SUGCT: variants seen among roughly 807,000 people sequenced by gnomAD.
SUGCT encodes succinyl-CoA:glutarate-CoA transferase.
SUGCT carries 41 observed loss-of-function variants against 55.0 expected under a neutral mutation model. The observed-to-expected ratio is 0.74, with a 90% CI of 0.58 to 0.97. The LOEUF (loss-of-function observed/expected upper bound fraction) is 0.97, where lower values mean the gene tolerates loss of function less well. Ranked by LOEUF, SUGCT falls within the 50% of genes least tolerant of loss-of-function variation. The pLI is 0.00. For missense variants in SUGCT, 568 were observed against 547.8 expected (o/e 1.04, Z -0.37); for synonymous variants, 187 against 200.4 (o/e 0.93, Z 0.56).
chr7:40,190,073 A>C (rs1477361288), intron 5 of SUGCT, among the ~76,000 whole-genome samples: 1 of 152,136 alleles, frequency 6.6e-6, no homozygotes, highest in Non-Finnish European at 1.5e-5. Flanking sequence ...TCCAGACCTG[A>C]TCTGAGCATC....
At chr7:40,178,701 A>G (rs1475349587) in intron 1 of SUGCT, among the ~76,000 whole-genome samples, 4 of 152,118 alleles carry the variant, frequency 2.6e-5, no homozygotes, top group Non-Finnish European at 1.5e-5. Flanking sequence ...GATTTTCACA[A>G]TGATGTCTTG....
chr7:40,392,348 T>A (rs190141527), intron 9 of SUGCT, among the ~76,000 whole-genome samples: 58 of 152,088 alleles, frequency 3.8e-4, no homozygotes, highest in African/African-American at 1.4e-3. Context: ...GAAAAAGAAA[T>A]GCACAGGCTG....
intron 12 of SUGCT, among the ~76,000 whole-genome samples, chr7:40,629,241 A>G (rs1799672638): frequency 6.6e-6 from 1 of 152,242 alleles, no homozygotes; most frequent in African/African-American, 2.4e-5. Flanking sequence ...ATGATAGAGA[A>G]AAACCTGTGT....
chr7:40,472,850 CTT>C (rs1366115354), intron 11 of SUGCT, among the ~76,000 whole-genome samples: 1 of 152,092 alleles, frequency 6.6e-6, no homozygotes, highest in Non-Finnish European at 1.5e-5. Context: ...TTGACTTTCA[CTT>C]TGCGTGAATA....
intron 11 of SUGCT, among the ~76,000 whole-genome samples, chr7:40,460,379 C>T (rs1789726507): frequency 6.6e-6 from 1 of 152,188 alleles, no homozygotes; most frequent in Non-Finnish European, 1.5e-5. Flanking sequence ...AACTCTGATT[C>T]TACCGCGAAG....
At chr7:40,506,333 T>C (rs1253735108) in intron 12 of SUGCT, among the ~76,000 whole-genome samples, 1 of 152,136 alleles carries the variant, frequency 6.6e-6, no homozygotes, top group Non-Finnish European at 1.5e-5. Context: ...GCCTTCTGAC[T>C]TCCATTGTGT....
intron 9 of SUGCT, among the ~76,000 whole-genome samples, chr7:40,445,038 A>G (rs868304581): frequency 2.0e-5 from 3 of 152,094 alleles, no homozygotes; most frequent in East Asian, 1.9e-4. Flanking sequence ...ATTGATTTGC[A>G]TATGTTGAAC....
chr7:40,334,101 C>T (rs1426068546), intron 9 of SUGCT, among the ~76,000 whole-genome samples: 15 of 152,110 alleles, frequency 9.9e-5, no homozygotes, highest in Admixed American at 9.8e-4. Context: ...TTTATGGATG[C>T]ATAGTATTCA....
At chr7:41,027,208 C>A in the SUGCT span, among the ~76,000 whole-genome samples, 1 of 152,104 alleles carries the variant, frequency 6.6e-6, no homozygotes, top group African/African-American at 2.4e-5. Flanking sequence ...TCCTCTAAAA[C>A]CTCCCATCCT....
At chr7:40,799,792 C>A (rs1790720706) in intron 13 of SUGCT, among the ~76,000 whole-genome samples, 1 of 152,146 alleles carries the variant, frequency 6.6e-6, no homozygotes, top group Admixed American at 6.5e-5. Flanking sequence ...TTATCCTTGG[C>A]ACTAGCCTGG....
At chr7:40,621,495 T>A (rs939052657) in intron 12 of SUGCT, among the ~76,000 whole-genome samples, 17 of 152,082 alleles carry the variant, frequency 1.1e-4, no homozygotes, top group Non-Finnish European at 2.1e-4. Context: ...ATAAGTTAAA[T>A]CTCTGGGGCC....
intron 6 of SUGCT, among the ~76,000 whole-genome samples, chr7:40,228,506 G>A (rs144630227): frequency 5.7e-4 from 87 of 152,050 alleles, no homozygotes; most frequent in Non-Finnish European, 9.7e-4. Context: ...GTGTGTGTGT[G>A]TGTGTTTTTG....
At chr7:40,621,965 G>C (rs995541217) in intron 12 of SUGCT, among the ~76,000 whole-genome samples, 1 of 152,170 alleles carries the variant, frequency 6.6e-6, no homozygotes, top group African/African-American at 2.4e-5. Flanking sequence ...AGGCAAGCCC[G>C]TGGAAGCCTC....
At chr7:40,785,731 T>G (rs1789978140) in intron 13 of SUGCT, among the ~76,000 whole-genome samples, 1 of 152,170 alleles carries the variant, frequency 6.6e-6, no homozygotes, top group South Asian at 2.1e-4. Flanking sequence ...TGAAGAATTG[T>G]AATTGTATTA....
chr7:40,752,264 G>A (rs1307757251), intron 13 of SUGCT, among the ~76,000 whole-genome samples: 2 of 152,108 alleles, frequency 1.3e-5, no homozygotes, highest in African/African-American at 4.8e-5. Context: ...AGAACACTGG[G>A]GCAAGCAGAA....
intron 1 of SUGCT, among the ~76,000 whole-genome samples, chr7:40,158,903 A>G (rs75985279): frequency 0.033 from 5,023 of 152,288 alleles, 263 homozygotes; most frequent in African/African-American, 0.11. Flanking sequence ...GCAAGGAAAA[A>G]TAGAGATCTC....
chr7:40,406,337 T>A (rs1786370054), intron 9 of SUGCT, among the ~76,000 whole-genome samples: 1 of 152,196 alleles, frequency 6.6e-6, no homozygotes, highest in African/African-American at 2.4e-5. Context: ...CCTTTGGCTG[T>A]GTGACTTGTG....
chr7:40,573,647 A>C (rs1445384642), intron 12 of SUGCT, among the ~76,000 whole-genome samples: 1 of 152,230 alleles, frequency 6.6e-6, no homozygotes, highest in Non-Finnish European at 1.5e-5. Context: ...TAATTAATAG[A>C]TATGTAGAAG....
chr7:40,681,578 T>C (rs796859461), intron 12 of SUGCT, among the ~76,000 whole-genome samples: 15 of 152,298 alleles, frequency 9.8e-5, no homozygotes, highest in African/African-American at 3.6e-4. Context: ...CTGATGCTTC[T>C]TTCTCTCCTG....
Sources: allele counts gnomAD v4.1 joint callset (sites outside exome capture counted in the v4.1 genomes callset), GRCh38; gene constraint gnomAD v4.1.1; transcripts MANE v1.5; gene names NCBI Gene and HGNC (gene_info 2026-07-23, HGNC 2026-07-21).